Variants in DNAJC24 observed in about 807,000 individuals in gnomAD.
The protein encoded by DNAJC24 is DnaJ heat shock protein family (Hsp40) member C24.
A neutral mutation model predicts 18.0 loss-of-function variants in DNAJC24; 17 were observed. The observed-to-expected ratio is 0.94, with a 90% CI of 0.65 to 1.42. DNAJC24 has a LOEUF of 1.42. DNAJC24 is among the 40% of genes most tolerant of loss of function. The pLI, the probability that DNAJC24 is intolerant of heterozygous loss-of-function variation, is 0.00. For missense variants in DNAJC24, 158 were observed against 175.6 expected, an observed-to-expected ratio of 0.90 and a Z score of 0.57; for synonymous variants, 55 against 57.7, an observed-to-expected ratio of 0.95 and a Z score of 0.21.
intron 2 of DNAJC24, among the ~76,000 whole-genome samples, chr11:31,379,066 G>GCT (rs1368133963): frequency 2.6e-5 from 4 of 152,134 alleles, no homozygotes; most frequent in Non-Finnish European, 5.9e-5. Context: ...TCTAAAGCCA[G>GCT]CTCTGGTATT....
intron 2 of DNAJC24, among the ~76,000 whole-genome samples, chr11:31,395,963 T>C (rs561612509): frequency 6.6e-6 from 1 of 152,214 alleles, no homozygotes; most frequent in Non-Finnish European, 1.5e-5. Context: ...ATTAGCTTTT[T>C]CCACTCATCC....
intron 1 of DNAJC24, among the ~76,000 whole-genome samples, chr11:31,370,400 A>G (rs949074360): frequency 2.6e-5 from 4 of 152,114 alleles, no homozygotes; most frequent in African/African-American, 4.8e-5. Flanking sequence ...TGCCAGTTTT[A>G]TCATAAGACT....
At chr11:31,400,508 T>C (rs1051754817) in intron 2 of DNAJC24, among the ~76,000 whole-genome samples, 3 of 152,198 alleles carry the variant, frequency 2.0e-5, no homozygotes, top group African/African-American at 7.2e-5. Flanking sequence ...CAAAACAGCA[T>C]GGTACTGGTA....
chr11:31,397,458 A>T (rs1952552557), intron 2 of DNAJC24, among the ~76,000 whole-genome samples: 1 of 149,078 alleles, frequency 6.7e-6, no homozygotes, highest in African/African-American at 2.5e-5. Context: ...AGTGTGTTGT[A>T]CTTGACTTTA....
chr11:31,418,654 A>G (rs767343721), intron 3 of DNAJC24, among the ~76,000 whole-genome samples: 2 of 152,116 alleles, frequency 1.3e-5, no homozygotes, highest in Non-Finnish European at 2.9e-5. Flanking sequence ...CTACTCTGTT[A>G]GTGAATTATT....
chr11:31,386,808 C>G (rs570288573), intron 2 of DNAJC24, among the ~76,000 whole-genome samples: 1 of 152,170 alleles, frequency 6.6e-6, no homozygotes, highest in African/African-American at 2.4e-5. Flanking sequence ...ATCCCCAGCT[C>G]CAGACTGTGG....
chr11:31,414,491 G>C (rs1056490341), intron 2 of DNAJC24, among the ~76,000 whole-genome samples: 1 of 152,088 alleles, frequency 6.6e-6, no homozygotes, highest in Admixed American at 6.6e-5. Context: ...TTGTCTGCAC[G>C]TACCTATTTC....
chr11:31,411,116 C>T (rs998868247), intron 2 of DNAJC24, among the ~76,000 whole-genome samples: 4 of 152,022 alleles, frequency 2.6e-5, no homozygotes, highest in African/African-American at 7.3e-5. Flanking sequence ...CTTTTAGGAT[C>T]ATAATGAGTC....
chr11:31,380,225 A>G (rs186715816), intron 2 of DNAJC24, among the ~76,000 whole-genome samples: 21 of 152,360 alleles, frequency 1.4e-4, no homozygotes, highest in Non-Finnish European at 2.4e-4. Flanking sequence ...TAGCTAAAAG[A>G]ATCATAGAAT....
At chr11:31,394,212 G>C (rs1013059949) in intron 2 of DNAJC24, among the ~76,000 whole-genome samples, 16 of 152,166 alleles carry the variant, frequency 1.1e-4, no homozygotes, top group Admixed American at 3.9e-4. Context: ...CCAACAAAAA[G>C]TACAAAAATG....
intron 3 of DNAJC24, among the ~76,000 whole-genome samples, chr11:31,420,779 A>G (rs1404873600): frequency 3.3e-5 from 5 of 152,124 alleles, no homozygotes; most frequent in Admixed American, 2.0e-4. Context: ...TTTTTTCTCA[A>G]TCACTATTTT....
At chr11:31,416,828 A>G (rs1349364952) in intron 3 of DNAJC24, 1 of 152,156 alleles carries the variant, frequency 6.6e-6, no homozygotes, top group Non-Finnish European at 1.5e-5. Flanking sequence ...AAGACAAATA[A>G]TCATCATATT....
chr11:31,393,516 G>T (rs150175494), intron 2 of DNAJC24, among the ~76,000 whole-genome samples: 139 of 152,290 alleles, frequency 9.1e-4, no homozygotes, highest in African/African-American at 3.2e-3. Context: ...TCATGGGTAG[G>T]ATTGGGGCCA....
chr11:31,399,739 C>CTTTTTTTTTTTTT (rs757871094), intron 2 of DNAJC24, among the ~76,000 whole-genome samples: 2 of 97,056 alleles, frequency 2.1e-5, no homozygotes, highest in East Asian at 3.1e-4. Context: ...ACTGTTTTTT[C>CTTTTTTTTTTTTT]TTTTTTTTTT....
intron 2 of DNAJC24, among the ~76,000 whole-genome samples, chr11:31,381,541 G>A (rs898369883): frequency 2.6e-5 from 4 of 151,136 alleles, no homozygotes; most frequent in Admixed American, 6.6e-5. Context: ...ACTTAAACTA[G>A]CTATTCATTA....
chr11:31,399,739 C>CTTTTTTTTTTTTTTTTTTT (rs757871094), intron 2 of DNAJC24, among the ~76,000 whole-genome samples: 1 of 97,056 alleles, frequency 1.0e-5, no homozygotes, highest in Admixed American at 1.2e-4. Flanking sequence ...ACTGTTTTTT[C>CTTTTTTTTTTTTTTTTTTT]TTTTTTTTTT....
At chr11:31,417,087 C>T (rs1434463998) in intron 3 of DNAJC24, 2 of 152,092 alleles carry the variant, frequency 1.3e-5, no homozygotes, top group Non-Finnish European at 2.9e-5. Flanking sequence ...GTTTTTCAGG[C>T]AGCATATTAC....
intron 3 of DNAJC24, among the ~76,000 whole-genome samples, chr11:31,422,783 C>T (rs1215489392): frequency 6.6e-6 from 1 of 151,956 alleles, no homozygotes; most frequent in African/African-American, 2.4e-5. Context: ...AAGCAGAGAT[C>T]ATTGTTTAAA....
intron 3 of DNAJC24, among the ~76,000 whole-genome samples, chr11:31,422,787 G>A (rs1952819782): frequency 6.6e-6 from 1 of 151,916 alleles, no homozygotes; most frequent in African/African-American, 2.4e-5. Context: ...AGAGATCATT[G>A]TTTAAAAAGA....
Sources: allele counts gnomAD v4.1 joint callset (sites outside exome capture counted in the v4.1 genomes callset), GRCh38; gene constraint gnomAD v4.1.1; transcripts MANE v1.5; gene names NCBI Gene and HGNC (gene_info 2026-07-23, HGNC 2026-07-21).